The following KANK1 variants were observed in gnomAD, a reference collection of about 807,000 sequenced individuals.
The protein encoded by KANK1 is KN motif and ankyrin repeat domain-containing protein 1.
In KANK1, 109 loss-of-function variants were observed where a neutral mutation model predicts 106.2. That is an observed-to-expected ratio of 1.03 (90% confidence interval 0.88 to 1.20). KANK1 has a LOEUF of 1.20. Ranked by LOEUF, KANK1 falls within the 50% of genes most tolerant of loss-of-function variation. KANK1 has a pLI of 0.00. For synonymous variants in KANK1, 873 were observed against 652.2 expected, an observed-to-expected ratio of 1.34 and a Z score of -5.16; for missense variants, 2,399 against 1,710.7, an observed-to-expected ratio of 1.40 and a Z score of -7.10.
intron 6 of KANK1, chr9:733,468 T>G (rs1832855853): frequency 1.3e-5 from 2 of 152,262 alleles, no homozygotes; most frequent in South Asian, 4.1e-4. Context: ...TCATATGGGT[T>G]AAACACTTGA....
At chr9:524,518 T>G (rs2059694454) in intron 1 of KANK1, among the ~76,000 whole-genome samples, 1 of 151,656 alleles carries the variant, frequency 6.6e-6, no homozygotes, top group South Asian at 2.1e-4. Flanking sequence ...TTGTGGGGTT[T>G]TTTGTTTGTT....
chr9:625,097 C>T (rs931827928), intron 1 of KANK1, among the ~76,000 whole-genome samples: 1 of 152,188 alleles, frequency 6.6e-6, no homozygotes, highest in Non-Finnish European at 1.5e-5. Context: ...GCAGTTAGCA[C>T]CGTTAGCGTC....
In KANK1 at chr9:676,970, A is replaced by G. The variant is rs761864499; in HGVS notation, c.-3A>G. The G allele has an allele frequency of 3.7e-6, 6 of 1,613,690 alleles. No individual in the cohort carries two copies. The highest frequency in any genetic ancestry group is 5.1e-6 in the Non-Finnish European group (6 of 1,179,806). ...CTGGATCTCTCATTGGACTCAAGCCAGCATGGCTCACACCACAAAGGTTAA... is the reference window on the plus strand; with the variant it reads ...CTGGATCTCTCATTGGACTCAAGCCGGCATGGCTCACACCACAAAGGTTAA... On this transcript the variant is annotated 5_prime_UTR_variant, in exon 2 of 12. Transcript: ENST00000382297.
intron 1 of KANK1, among the ~76,000 whole-genome samples, chr9:597,915 T>G (rs911069183): frequency 1.3e-5 from 2 of 151,656 alleles, no homozygotes; most frequent in Non-Finnish European, 2.9e-5. Context: ...TCCACCCGCC[T>G]CAGCCTCCCA....
At chr9:563,825 A>T (rs942667022) in intron 1 of KANK1, among the ~76,000 whole-genome samples, 5 of 152,212 alleles carry the variant, frequency 3.3e-5, no homozygotes, top group Non-Finnish European at 7.3e-5. Flanking sequence ...ATCTGTGGTG[A>T]CTGTGTCACT....
chr9:631,213 A>G (rs545390768), intron 1 of KANK1, among the ~76,000 whole-genome samples: 1 of 152,244 alleles, frequency 6.6e-6, no homozygotes, highest in East Asian at 1.9e-4. Context: ...TTGAAAATAG[A>G]TTAAATATAT....
At chr9:740,651 C>A in intron 8 of KANK1, 141 bp from the exon 9 acceptor site, 1 of 920,712 alleles carries the variant, frequency 1.1e-6, no homozygotes, top group East Asian at 2.5e-5. Flanking sequence ...CTCACATTTC[C>A]TTCTAAGTCA....
intron 2 of KANK1, chr9:470,966 C>T (rs2058008481): frequency 6.6e-6 from 1 of 152,196 alleles, no homozygotes; most frequent in Non-Finnish European, 1.5e-5. Context: ...GTAGTCAAGA[C>T]AGGGCCCTGC....
At chr9:624,484 G>A (rs1045801363) in intron 1 of KANK1, among the ~76,000 whole-genome samples, 2 of 152,086 alleles carry the variant, frequency 1.3e-5, no homozygotes, top group Non-Finnish European at 2.9e-5. Flanking sequence ...AAAATCAGAA[G>A]CATCCTAAAA....
chr9:510,412 A>G (rs371213968), intron 1 of KANK1, among the ~76,000 whole-genome samples: 2 of 152,234 alleles, frequency 1.3e-5, no homozygotes, highest in Non-Finnish European at 2.9e-5. Flanking sequence ...ATTCTTACAC[A>G]TGACCAAGGA....
intron 1 of KANK1, among the ~76,000 whole-genome samples, chr9:560,866 G>A (rs1479034169): frequency 1.3e-5 from 2 of 152,078 alleles, no homozygotes; most frequent in Admixed American, 1.3e-4. Context: ...TCCTAGAGTC[G>A]GGGGAAAGTT....
At chr9:489,201 C>A (rs998397311) in intron 3 of KANK1, 19 of 152,082 alleles carry the variant, frequency 1.2e-4, no homozygotes, top group Non-Finnish European at 2.4e-4. Flanking sequence ...TTTCAAAATT[C>A]ATAGGCCTGG....
At chr9:725,780 T>C (rs72693438) in intron 3 of KANK1, among the ~76,000 whole-genome samples, 12,090 of 152,172 alleles carry the variant, frequency 0.079, 1,133 homozygotes, top group African/African-American at 0.21. Flanking sequence ...TTTTAGGGCT[T>C]GTTATTCGTT....
chr9:633,252 C>T (rs936442202), intron 1 of KANK1, among the ~76,000 whole-genome samples: 3 of 151,980 alleles, frequency 2.0e-5, no homozygotes, highest in Admixed American at 6.5e-5. Context: ...GTCAGGAGAT[C>T]GAGACCATCC....
At chr9:642,679 G>C (rs1838746434) in intron 1 of KANK1, among the ~76,000 whole-genome samples, 1 of 150,546 alleles carries the variant, frequency 6.6e-6, no homozygotes, top group Non-Finnish European at 1.5e-5. Context: ...TTTGTGGCAG[G>C]TAACTCTTAC....
chr9:708,476 C>G (rs1419107679), intron 2 of KANK1, among the ~76,000 whole-genome samples: 1 of 152,232 alleles, frequency 6.6e-6, no homozygotes, highest in Non-Finnish European at 1.5e-5. Flanking sequence ...ATAGAATTCA[C>G]TTCCCACACG....
chr9:566,325 G>A (rs1817799047), intron 1 of KANK1, among the ~76,000 whole-genome samples: 1 of 152,160 alleles, frequency 6.6e-6, no homozygotes, highest in Non-Finnish European at 1.5e-5. Context: ...GCATATGTGT[G>A]CATGCATCTT....
intron 3 of KANK1, among the ~76,000 whole-genome samples, chr9:722,430 G>A (rs1829595455): frequency 6.6e-6 from 1 of 152,046 alleles, no homozygotes; most frequent in Non-Finnish European, 1.5e-5. Flanking sequence ...CTCGATTCAG[G>A]TGATTCTAAA....
intron 1 of KANK1, among the ~76,000 whole-genome samples, chr9:666,901 C>CTTTTTTTTTTTTTT (rs35149316): frequency 2.1e-4 from 11 of 53,484 alleles, no homozygotes; most frequent in Non-Finnish European, 2.9e-4. Context: ...CTATTGTTGT[C>CTTTTTTTTTTTTTT]TTTTTTTTTT....
Sources: allele counts gnomAD v4.1 joint callset (sites outside exome capture counted in the v4.1 genomes callset), GRCh38; gene constraint gnomAD v4.1.1; transcripts MANE v1.5; gene names NCBI Gene and HGNC (gene_info 2026-07-23, HGNC 2026-07-21).